CRISPLD2: variants seen among roughly 807,000 people sequenced by gnomAD.
The protein encoded by CRISPLD2 is cysteine-rich secretory protein LCCL domain-containing 2.
A neutral mutation model predicts 71.1 loss-of-function variants in CRISPLD2; 47 were observed. The observed-to-expected ratio is 0.66, with a 90% CI of 0.52 to 0.84. The LOEUF (loss-of-function observed/expected upper bound fraction) is 0.84. CRISPLD2 is among the 40% of genes least tolerant of loss of function. The pLI is 0.00. For missense variants in CRISPLD2, 830 were observed against 651.1 expected (o/e 1.27, Z -2.99); for synonymous variants, 317 against 250.1 (o/e 1.27, Z -2.52).
intron 6 of CRISPLD2, among the ~76,000 whole-genome samples, chr16:84,861,197 A>G (rs2143251227): frequency 6.6e-6 from 1 of 152,326 alleles, no homozygotes; most frequent in South Asian, 2.1e-4. Flanking sequence ...AATCATATTA[A>G]GCAGCCAACT....
intron 13 of CRISPLD2, among the ~76,000 whole-genome samples, chr16:84,884,497 A>T (rs16974828): frequency 0.013 from 1,957 of 152,340 alleles, 38 homozygotes; most frequent in African/African-American, 0.044. Context: ...CCGGCGCTGG[A>T]TGCAGGATTG....
In CRISPLD2 at chr16:84,868,915, A is replaced by T; in HGVS notation, c.914+4A>T. The T allele has an allele frequency of 1.2e-6, 2 of 1,605,788 alleles. No homozygotes were observed. The highest frequency in any genetic ancestry group is 1.7e-6 in the Non-Finnish European group (2 of 1,176,368). On this transcript the variant is annotated splice_donor_region_variant and intron_variant, in intron 8 of 14. Transcript: ENST00000262424. The stretch of plus-strand genomic sequence containing the variant: ...GCAAAGGGTCCACGTGTAACAGGTG[A>T]GCCTGTGCTGGGCTGTCCTGCCACT...
intron 13 of CRISPLD2, among the ~76,000 whole-genome samples, chr16:84,885,548 G>T (rs2071604936): frequency 6.6e-6 from 1 of 152,156 alleles, no homozygotes; most frequent in African/African-American, 2.4e-5. Context: ...CAACTCCAGG[G>T]CCTCCCAGAT....
chr16:84,849,984 C>G (rs914932257), intron 4 of CRISPLD2, among the ~76,000 whole-genome samples: 1 of 151,942 alleles, frequency 6.6e-6, no homozygotes, highest in Non-Finnish European at 1.5e-5. Context: ...GCTCAGCTTC[C>G]CAAAGTGTTG....
In CRISPLD2 at chr16:84,866,929, G is replaced by A. The variant is rs747413249; in HGVS notation, c.742G>A (p.Glu248Lys). Residue 248 changes from glutamate (E) to lysine (K), a missense_variant, in exon 7 of 15, where the codon GAG becomes AAG. Physicochemically the swap from Glu to Lys is moderately conservative, Grantham distance 56. Coordinates refer to ENST00000262424, the MANE Select transcript of CRISPLD2 (RefSeq NM_031476.4). ...CTACACTCCAAAACCTGAAACGGAC[G>A]AGATGAATGAGGTGGAAACGGCTCC... ...ETYTPKPETDEMNEVETAPIP... is the reference protein window; with the variant it reads ...ETYTPKPETDKMNEVETAPIP... 3 of 1,614,002 alleles carry A rather than the reference G, an allele frequency of 1.9e-6. No homozygotes were observed. Among genetic ancestry groups the A allele is most frequent in the South Asian group, 2.2e-5 (2 of 91,076 alleles).
intron 13 of CRISPLD2, among the ~76,000 whole-genome samples, chr16:84,888,929 C>T (rs760752814): frequency 7.9e-5 from 12 of 152,196 alleles, no homozygotes; most frequent in East Asian, 1.9e-4. Flanking sequence ...TTTGCTCACT[C>T]GACTCTTTGA....
chr16:84,876,924 A>G (rs2071523842), intron 11 of CRISPLD2, among the ~76,000 whole-genome samples: 1 of 152,252 alleles, frequency 6.6e-6, no homozygotes, highest in African/African-American at 2.4e-5. Flanking sequence ...AATGACCTTG[A>G]AGATAAAAGC....
At chr16:84,822,673 C>G (rs1916257832) in intron 1 of CRISPLD2, among the ~76,000 whole-genome samples, 1 of 152,136 alleles carries the variant, frequency 6.6e-6, no homozygotes, top group Non-Finnish European at 1.5e-5. Context: ...GGGCATATTT[C>G]ACTTCGTCTT....
In CRISPLD2 at chr16:84,868,859, G is replaced by A. The variant is rs766721884; in HGVS notation, c.862G>A (p.Val288Ile). The A allele has an allele frequency of 1.8e-5, 29 of 1,611,984 alleles. No individual in the cohort carries two copies. The highest frequency in any genetic ancestry group is 9.9e-5 in the South Asian group (9 of 90,650). Reference sequence around the variant, plus strand: ...CCGCATTTCTCTCCTAGCCCAAGTCGTCAGATGTGACACCAAGATGAAGGA... The same window carrying A: ...CCGCATTTCTCTCCTAGCCCAAGTCATCAGATGTGACACCAAGATGAAGGA... ...TSAVNYMTQV[V>I]RCDTKMKDRC... Residue 288 changes from valine (V) to isoleucine (I), a missense_variant, in exon 8 of 15, where the codon GTC (valine) becomes ATC (isoleucine). Coordinates refer to ENST00000262424, the MANE Select transcript of CRISPLD2 (RefSeq NM_031476.4).
rs1391043615 is a variant in CRISPLD2 at position 84,838,534 on chromosome 16, G to A, written c.39G>A (p.Leu13=). 9.3e-6 allele frequency: 15 copies of A among 1,614,208 alleles called. No homozygotes were observed. Among genetic ancestry groups the A allele is most frequent in the Non-Finnish European group, 1.3e-5 (15 of 1,180,034 alleles). The change falls in exon 2 of 15, where the codon CTG becomes CTA. Residue 13 remains leucine (L), a synonymous_variant. Coordinates refer to ENST00000262424, the MANE Select transcript of CRISPLD2 (RefSeq NM_031476.4). ...TGGGTGGTGTCATCCCCTTGGGGCT[G>A]CTGTTCCTGGTCTGCGGATCCCAAG... ...CVLGGVIPLG[L]LFLVCGSQGY...
intron 14 of CRISPLD2, among the ~76,000 whole-genome samples, chr16:84,893,122 G>A (rs183645096): frequency 3.3e-5 from 5 of 152,174 alleles, no homozygotes; most frequent in Non-Finnish European, 5.9e-5. Context: ...GGTGATGGCC[G>A]GGACAGTATG....
rs532758904 is a variant in CRISPLD2, at chr16:84,854,134, C to G, written c.609-595C>G. 1.8e-3 allele frequency among the ~76,000 whole-genome samples: 268 copies of G among 152,288 alleles called. 2 individuals carry two copies. The highest frequency in any genetic ancestry group is 6.3e-3 in the African/African-American group (260 of 41,546). On this transcript the variant is annotated intron_variant, in intron 5 of 14. Transcript: ENST00000262424. ...GAGCCGGACAGCCTGTGTTCAAATC[C>G]CAGCCCCGCCACTTGCTTGTCCTGT...
intron 8 of CRISPLD2, among the ~76,000 whole-genome samples, chr16:84,870,315 T>C (rs1044142112): frequency 5.9e-5 from 9 of 151,968 alleles, no homozygotes; most frequent in African/African-American, 1.4e-4. Context: ...GCTGCCCATG[T>C]ATTTTGTTTT....
rs147872508 is a variant in CRISPLD2 at position 84,838,560 on chromosome 16, G to A, written c.65G>A (p.Gly22Asp). 179 of 1,614,184 alleles carry A rather than the reference G, an allele frequency of 1.1e-4. No individual in the cohort carries two copies. The African/African-American group carries it at 2.0e-3, about 18-fold the overall frequency. Residue 22 changes from glycine (G) to aspartate (D), a missense_variant, in exon 2 of 15, where the codon GGC becomes GAC. Physicochemically the swap from Gly to Asp is moderately conservative, Grantham distance 94. Coordinates refer to ENST00000262424, the MANE Select transcript of CRISPLD2 (RefSeq NM_031476.4). ...GLLFLVCGSQ[G>D]YLLPNVTLLE... Reference sequence around the variant, plus strand: ...CTGTTCCTGGTCTGCGGATCCCAAGGCTACCTCCTGCCCAACGTCACTCTC... The same window carrying A: ...CTGTTCCTGGTCTGCGGATCCCAAGACTACCTCCTGCCCAACGTCACTCTC...
chr16:84,820,735 A>G (rs1299454086), intron 1 of CRISPLD2, among the ~76,000 whole-genome samples: 1 of 151,918 alleles, frequency 6.6e-6, no homozygotes, highest in Non-Finnish European at 1.5e-5. Flanking sequence ...CAGAGCTTCA[A>G]ATGGATGTGT....
At chr16:84,882,062 C>T (rs546801148) in intron 13 of CRISPLD2, among the ~76,000 whole-genome samples, 19 of 151,918 alleles carry the variant, frequency 1.3e-4, no homozygotes, top group African/African-American at 2.2e-4. Context: ...ATAATATTGT[C>T]GATTATTACA....
intron 5 of CRISPLD2, among the ~76,000 whole-genome samples, chr16:84,853,596 T>C (rs554650602): frequency 1.6e-4 from 25 of 152,312 alleles, no homozygotes; most frequent in African/African-American, 4.8e-4. Context: ...AGGCCACTCT[T>C]GTAAGGACGG....
chr16:84,861,593 C>G (rs1917382900), intron 6 of CRISPLD2, among the ~76,000 whole-genome samples: 2 of 152,126 alleles, frequency 1.3e-5, no homozygotes, highest in African/African-American at 4.8e-5. Flanking sequence ...CCCACCAAGA[C>G]CCAGCCCACT....
At chr16:84,879,159 T>C (rs1262678636) in intron 12 of CRISPLD2, among the ~76,000 whole-genome samples, 1 of 152,236 alleles carries the variant, frequency 6.6e-6, no homozygotes, top group African/African-American at 2.4e-5. Context: ...ACCACCGTCT[T>C]GATCCCCCTT....
Sources: allele counts gnomAD v4.1 joint callset (sites outside exome capture counted in the v4.1 genomes callset), GRCh38; gene constraint gnomAD v4.1.1; transcripts MANE v1.5; gene names NCBI Gene and HGNC (gene_info 2026-07-23, HGNC 2026-07-21).